Variants in ERC2 observed in about 807,000 individuals in gnomAD.
The protein encoded by ERC2 is ELKS/RAB6-interacting/CAST family member 2, also known as ERC protein 2.
In ERC2, 42 loss-of-function variants were observed where a neutral mutation model predicts 114.8. That is an observed-to-expected ratio of 0.37 (90% confidence interval 0.29 to 0.47). The LOEUF is 0.47. ERC2 is among the 20% of genes least tolerant of loss of function. The probability of loss-of-function intolerance (pLI) is 0.99; values close to 1 mark genes in which losing one functional copy is unlikely to be tolerated. For missense variants in ERC2, 939 were observed against 1,150.7 expected (o/e 0.82, Z 2.66); for synonymous variants, 454 against 425.5 (o/e 1.07, Z -0.82).
intron 3 of ERC2, among the ~76,000 whole-genome samples, chr3:56,251,700 G>A (rs1430333246): frequency 6.6e-6 from 1 of 152,204 alleles, no homozygotes; most frequent in East Asian, 1.9e-4. Context: ...TTTAACACAT[G>A]CTAGGTGAAA....
At chr3:56,279,110 C>T (rs1475830865) in intron 3 of ERC2, among the ~76,000 whole-genome samples, 1 of 152,092 alleles carries the variant, frequency 6.6e-6, no homozygotes, top group East Asian at 1.9e-4. Context: ...CTGATTTTTG[C>T]AAATTTTCTG....
chr3:55,776,220 G>A (rs956059262), intron 14 of ERC2, among the ~76,000 whole-genome samples: 2 of 152,022 alleles, frequency 1.3e-5, no homozygotes, highest in Middle Eastern at 3.2e-3. Flanking sequence ...CAAGCCACAC[G>A]GGGCCTCCAT....
chr3:56,015,022 T>C lies in ERC2; in HGVS notation c.1779+3872A>G, dbSNP rs562839311. ...TTCTTATAATTTAATCCTGAAGTTATAATCTTTCAATGTTTAAATTGTTAC... is the reference window on the plus strand; with the variant it reads ...TTCTTATAATTTAATCCTGAAGTTACAATCTTTCAATGTTTAAATTGTTAC... On this transcript the variant is annotated intron_variant, in intron 8 of 17. Coordinates refer to ENST00000288221, the MANE Select transcript of ERC2 (RefSeq NM_015576.3). Among the ~76,000 whole-genome samples the C allele has an allele frequency of 1.2e-4, 19 of 152,312 alleles. No homozygotes were observed. In the South Asian group the frequency reaches 3.5e-3, roughly 28 times the overall value.
intron 14 of ERC2, among the ~76,000 whole-genome samples, chr3:55,882,014 G>A (rs923502621): frequency 6.6e-6 from 1 of 152,156 alleles, no homozygotes; most frequent in Non-Finnish European, 1.5e-5. Context: ...GTATTGCTGT[G>A]GTTTGAATAT....
intron 13 of ERC2, among the ~76,000 whole-genome samples, chr3:55,922,247 C>T (rs1316411366): frequency 6.6e-6 from 1 of 152,026 alleles, no homozygotes; most frequent in East Asian, 1.9e-4. Context: ...ACAAAACCAA[C>T]TCAAACTTTG....
intron 17 of ERC2, among the ~76,000 whole-genome samples, chr3:55,639,972 T>G (rs186543829): frequency 6.6e-6 from 1 of 152,296 alleles, no homozygotes; most frequent in Admixed American, 6.5e-5. Flanking sequence ...AGGAGGCAGA[T>G]CCACACAGGG....
chr3:56,098,379 C>T (rs972104319), intron 6 of ERC2, among the ~76,000 whole-genome samples: 7 of 152,228 alleles, frequency 4.6e-5, no homozygotes, highest in South Asian at 2.1e-4. Context: ...TTCTTCCCTC[C>T]GAGATTCTTC....
rs140282027 is a variant in ERC2, at chr3:55,606,116, C to G, written c.*39+77678G>C. On this transcript the variant is annotated intron_variant, in intron 17 of 17. Transcript: ENST00000288221. ...TCGGTTTCCATGTACCAATGTCCAT[C>G]TACTCAGAAATCATGATTGCAGGCC... is the stretch of plus-strand genomic sequence containing the variant. Among the ~76,000 whole-genome samples the G allele has an allele frequency of 1.8e-3, 273 of 152,276 alleles. 1 individual carries two copies. Among genetic ancestry groups the G allele is most frequent in the African/African-American group, 6.4e-3 (265 of 41,554 alleles).
intron 17 of ERC2, among the ~76,000 whole-genome samples, chr3:55,623,131 G>A (rs2059388160): frequency 1.3e-5 from 2 of 152,174 alleles, no homozygotes; most frequent in Admixed American, 6.5e-5. Flanking sequence ...GTGGCACAGT[G>A]CAGTGGGAGG....
At chr3:55,753,049 C>T (rs993235709) in intron 14 of ERC2, among the ~76,000 whole-genome samples, 1 of 152,102 alleles carries the variant, frequency 6.6e-6, no homozygotes. Flanking sequence ...AAGTTGCTAA[C>T]CAAGTCCATG....
At chr3:55,564,266 G>A (rs546897018) in intron 17 of ERC2, among the ~76,000 whole-genome samples, 2 of 152,260 alleles carry the variant, frequency 1.3e-5, no homozygotes, top group South Asian at 2.1e-4. Flanking sequence ...AAGTCTAGAG[G>A]AAATGAAAAA....
chr3:55,918,856 C>T (rs890925911), intron 13 of ERC2, among the ~76,000 whole-genome samples: 1 of 150,726 alleles, frequency 6.6e-6, no homozygotes, highest in African/African-American at 2.4e-5. Flanking sequence ...TGCCAAAACA[C>T]AGCATTGTGT....
chr3:56,275,936 C>T (rs1443152827), intron 3 of ERC2, among the ~76,000 whole-genome samples: 3 of 152,196 alleles, frequency 2.0e-5, no homozygotes, highest in Non-Finnish European at 4.4e-5. Flanking sequence ...AACTATCCAG[C>T]CCAGAATGTC....
At chr3:55,586,538 T>C (rs1167254) in intron 17 of ERC2, among the ~76,000 whole-genome samples, 42,166 of 152,100 alleles carry the variant, frequency 0.28, 6,509 homozygotes, top group East Asian at 0.74. Flanking sequence ...GATAAGAACA[T>C]TTAAAATAAC....
intron 7 of ERC2, among the ~76,000 whole-genome samples, chr3:56,046,665 A>G (rs1422063489): frequency 1.3e-5 from 2 of 152,182 alleles, no homozygotes; most frequent in Non-Finnish European, 2.9e-5. Flanking sequence ...AAATGAAACA[A>G]ATTCTGTATA....
intron 2 of ERC2, among the ~76,000 whole-genome samples, chr3:56,343,940 G>C (rs1170706960): frequency 6.6e-6 from 1 of 151,980 alleles, no homozygotes; most frequent in Non-Finnish European, 1.5e-5. Flanking sequence ...AACAAAGAAA[G>C]GATTACTTAT....
rs151155485 is a variant in ERC2 at position 56,350,444 on chromosome 3, C to T, written c.658-54009G>A. Among the ~76,000 whole-genome samples, 3 of 152,192 alleles carry T rather than the reference C, an allele frequency of 2.0e-5. No individual in the cohort carries two copies. In the South Asian group the frequency reaches 6.2e-4, roughly 31 times the overall value. On this transcript the variant is annotated intron_variant, in intron 2 of 17. Transcript: ENST00000288221. ...ACCTATTGTATCTTCAGTCTGTTGA[C>T]TCTTACTTGACACAAAATTCTAACC...
At chr3:56,267,031 C>T (rs1411534837) in intron 3 of ERC2, among the ~76,000 whole-genome samples, 2 of 152,060 alleles carry the variant, frequency 1.3e-5, no homozygotes, top group Non-Finnish European at 2.9e-5. Flanking sequence ...ATCCCTTATC[C>T]AAAATGCTTG....
At chr3:55,716,125 C>T (rs2064107268) in intron 15 of ERC2, among the ~76,000 whole-genome samples, 1 of 152,150 alleles carries the variant, frequency 6.6e-6, no homozygotes, top group Non-Finnish European at 1.5e-5. Flanking sequence ...GTTTTCATAT[C>T]ACACTCTTTC....
Sources: allele counts gnomAD v4.1 joint callset (sites outside exome capture counted in the v4.1 genomes callset), GRCh38; gene constraint gnomAD v4.1.1; transcripts MANE v1.5; gene names NCBI Gene and HGNC (gene_info 2026-07-23, HGNC 2026-07-21).